The following C8A variants were observed in gnomAD, a reference collection of about 807,000 sequenced individuals.
C8A encodes the protein complement component C8 alpha chain.
C8A carries 67 observed loss-of-function variants against 65.3 expected under a neutral mutation model. The observed-to-expected ratio is 1.03, with a 90% CI of 0.84 to 1.26. C8A has a LOEUF of 1.26. C8A is among the 50% of genes most tolerant of loss of function. The pLI, the probability that C8A is intolerant of heterozygous loss-of-function variation, is 0.00. For missense variants in C8A, 781 were observed against 723.9 expected, an observed-to-expected ratio of 1.08 and a Z score of -0.90; for synonymous variants, 290 against 259.4, an observed-to-expected ratio of 1.12 and a Z score of -1.13.
chr1:56,861,731 TA>T (rs1228009493), intron 1 of C8A, among the ~76,000 whole-genome samples: 9 of 152,224 alleles, frequency 5.9e-5, no homozygotes, highest in Admixed American at 3.9e-4. Context: ...AAGTTAAATC[TA>T]AAATACCTCT....
intron 7 of C8A, among the ~76,000 whole-genome samples, chr1:56,888,210 T>C (rs540490310): frequency 2.6e-5 from 4 of 152,178 alleles, no homozygotes; most frequent in Non-Finnish European, 5.9e-5. Flanking sequence ...GCCTGCCACT[T>C]TTCTCTCTTT....
chr1:56,885,452 A>G (rs553001308), intron 6 of C8A, among the ~76,000 whole-genome samples: 5 of 92,256 alleles, frequency 5.4e-5, no homozygotes, highest in African/African-American at 2.2e-4. Context: ...AAATATATAT[A>G]TATTTCCGTA....
chr1:56,911,139 G>A (rs974894201), intron 9 of C8A, among the ~76,000 whole-genome samples: 1 of 135,946 alleles, frequency 7.4e-6, no homozygotes, highest in Non-Finnish European at 1.5e-5. Context: ...TTCTTCCCTT[G>A]TACAGTAGTA....
At chr1:56,873,383 C>T (rs1322388131) in intron 2 of C8A, among the ~76,000 whole-genome samples, 1 of 152,168 alleles carries the variant, frequency 6.6e-6, no homozygotes, top group Non-Finnish European at 1.5e-5. Flanking sequence ...CCATTTCACA[C>T]ACTGGAAGAC....
At chr1:56,906,857 A>T (rs1299284672) in intron 8 of C8A, 65 bp downstream of exon 8, 6 of 1,596,050 alleles carry the variant, frequency 3.8e-6, no homozygotes, top group Non-Finnish European at 5.2e-6. Context: ...ACACACTGGG[A>T]CATGGAAGCT....
At chr1:56,875,175 G>A in intron 3 of C8A, 82 bp downstream of exon 3, 5 of 1,483,646 alleles carry the variant, frequency 3.4e-6, no homozygotes, top group Non-Finnish European at 4.6e-6. Flanking sequence ...TTATTAAAAT[G>A]CATACTCCTG....
chr1:56,888,753 A>C (rs546920968), intron 7 of C8A, among the ~76,000 whole-genome samples: 1 of 152,298 alleles, frequency 6.6e-6, no homozygotes, highest in Non-Finnish European at 1.5e-5. Flanking sequence ...GGAAGGAAAA[A>C]AGAGTTAACA....
chr1:56,870,685 C>T (rs1310346760), intron 2 of C8A, among the ~76,000 whole-genome samples: 10 of 150,400 alleles, frequency 6.6e-5, no homozygotes, highest in South Asian at 2.1e-4. Context: ...TTAAATTTTT[C>T]GTATTTATTT....
chr1:56,887,187 C>T (rs1424104227), intron 7 of C8A, among the ~76,000 whole-genome samples: 1 of 152,158 alleles, frequency 6.6e-6, no homozygotes, highest in Non-Finnish European at 1.5e-5. Context: ...CATAAAATTC[C>T]ACACTAGGTA....
chr1:56,863,886 C>T (rs1255206340), intron 1 of C8A, among the ~76,000 whole-genome samples: 13 of 140,418 alleles, frequency 9.3e-5, no homozygotes, highest in East Asian at 2.0e-4. Flanking sequence ...TCCTTCTCTC[C>T]CTTCCTTCCT....
intron 7 of C8A, among the ~76,000 whole-genome samples, chr1:56,897,206 T>C (rs1039858299): frequency 1.3e-5 from 2 of 152,212 alleles, no homozygotes; most frequent in African/African-American, 4.8e-5. Flanking sequence ...CTAAATGTAA[T>C]GTTGAGTCAG....
intron 6 of C8A, among the ~76,000 whole-genome samples, chr1:56,884,490 T>G (rs1644274108): frequency 6.6e-6 from 1 of 152,208 alleles, no homozygotes; most frequent in South Asian, 2.1e-4. Context: ...TCTTGAATGA[T>G]GAAAATATAG....
chr1:56,857,690 T>C (rs1643991523), intron 1 of C8A, among the ~76,000 whole-genome samples: 1 of 151,982 alleles, frequency 6.6e-6, no homozygotes, highest in Admixed American at 6.6e-5. Context: ...ATGTGTCCCA[T>C]GTCTTCCTTG....
At chr1:56,915,305 A>G (rs558073610) in intron 10 of C8A, among the ~76,000 whole-genome samples, 1 of 152,270 alleles carries the variant, frequency 6.6e-6, no homozygotes, top group African/African-American at 2.4e-5. Flanking sequence ...CTTATGAAGG[A>G]GCATGCAGAG....
chr1:56,914,726 G>A (rs865896428), intron 10 of C8A, among the ~76,000 whole-genome samples: 100 of 152,046 alleles, frequency 6.6e-4, no homozygotes, highest in African/African-American at 2.1e-3. Context: ...GTGGAATGGC[G>A]TGATCTCAGC....
At chr1:56,874,792 C>T (rs932945231) in intron 2 of C8A, among the ~76,000 whole-genome samples, 157 bp from the exon 3 acceptor site, 1 of 152,174 alleles carries the variant, frequency 6.6e-6, no homozygotes, top group Non-Finnish European at 1.5e-5. Flanking sequence ...TGATACACCA[C>T]TGTTTATGCA....
chr1:56,877,583 T>A (rs594105), intron 4 of C8A, among the ~76,000 whole-genome samples: 1 of 151,996 alleles, frequency 6.6e-6, no homozygotes, highest in Non-Finnish European at 1.5e-5. Flanking sequence ...GTCTCCTAAC[T>A]TGAATAAACT....
chr1:56,896,750 G>A (rs1192356604), intron 7 of C8A, among the ~76,000 whole-genome samples: 1 of 152,192 alleles, frequency 6.6e-6, no homozygotes, highest in African/African-American at 2.4e-5. Flanking sequence ...GGAAGCAGAT[G>A]TCAATAACAA....
At chr1:56,908,337 T>C (rs1057217421) in intron 9 of C8A, among the ~76,000 whole-genome samples, 1 of 152,180 alleles carries the variant, frequency 6.6e-6, no homozygotes, top group Non-Finnish European at 1.5e-5. Flanking sequence ...AGTCAGTGCC[T>C]AGTTTTACAC....
Sources: allele counts gnomAD v4.1 joint callset (sites outside exome capture counted in the v4.1 genomes callset), GRCh38; gene constraint gnomAD v4.1.1; transcripts MANE v1.5; gene names NCBI Gene and HGNC (gene_info 2026-07-23, HGNC 2026-07-21).